Variants in TLR7 observed in about 807,000 individuals in gnomAD.
TLR7 encodes the protein toll-like receptor 7.
Under a neutral mutation model 38.3 loss-of-function variants are expected in TLR7, and 12 were observed. That is an observed-to-expected ratio of 0.31 (90% confidence interval 0.20 to 0.51). TLR7 has a LOEUF of 0.51. TLR7 is among the 20% of genes least tolerant of loss of function. The pLI is 0.98. For synonymous variants in TLR7, 285 were observed against 293.8 expected (o/e 0.97, Z 0.31); for missense variants, 504 against 743.4 (o/e 0.68, Z 3.74).
chrX:12,886,855 A>G lies in TLR7; in HGVS notation c.1347A>G (p.Arg449=). Residue 449 remains arginine (R), a synonymous_variant, in exon 3 of 3, where the codon AGA becomes AGG. Transcript: ENST00000380659. ...SSEVGFCSNA[R]TSVESYEPQV... ...AAGTTGGCTTCTGCTCAAATGCCAG[A>G]ACTTCTGTAGAAAGTTATGAACCCC... 6 of 1,210,564 alleles carry G rather than the reference A, an allele frequency of 5.0e-6. No individual in the cohort carries two copies. The highest frequency in any genetic ancestry group is 6.7e-6 in the Non-Finnish European group (6 of 894,699).
At chrX:12,871,547 C>T (rs1731478) in intron 2 of TLR7, among the ~76,000 whole-genome samples, 8,212 of 112,080 alleles carry the variant, frequency 0.073, 266 homozygotes, top group Middle Eastern at 0.1. Context: ...CCCAGACCCC[C>T]GCTGCAGGCT....
In TLR7 at chrX:12,888,383, G is replaced by A. The variant is rs1269387562; in HGVS notation, c.2875G>A (p.Asp959Asn). The A allele has an allele frequency of 8.3e-7, 1 of 1,212,065 alleles. No homozygotes were observed. The highest frequency in any genetic ancestry group is 1.1e-6 in the Non-Finnish European group (1 of 895,549). The change falls in exon 3 of 3, where the codon GAC becomes AAC. Residue 959 changes from aspartate to asparagine, a missense_variant. Coordinates refer to ENST00000380659, the MANE Select transcript of TLR7 (RefSeq NM_016562.4). ...CAAAAAGACAGTGTTTGTGATGACA[G>A]ACAAGTATGCAAAGACTGAAAATTT... ...LSKKTVFVMT[D>N]KYAKTENFKI...
At chrX:12,885,374 T>C (rs1460899987) in intron 2 of TLR7, 138 bp from the exon 3 acceptor site, 2 of 538,134 alleles carry the variant, frequency 3.7e-6, no homozygotes, top group African/African-American at 2.3e-5. Flanking sequence ...GGGTTGGGGA[T>C]GCTGTTTAGA....
chrX:12,869,809 A>G (rs1455076203), intron 2 of TLR7, among the ~76,000 whole-genome samples: 1 of 98,861 alleles, frequency 1.0e-5, no homozygotes, highest in Non-Finnish European at 2.0e-5. Context: ...ACTATTTACC[A>G]AGATGGTCAG....
At chrX:12,872,001 A>C (rs1379713000) in intron 2 of TLR7, among the ~76,000 whole-genome samples, 1 of 111,659 alleles carries the variant, frequency 9.0e-6, no homozygotes, top group Non-Finnish European at 1.9e-5. Flanking sequence ...TCAATACAGA[A>C]AGGTGAGGGT....
At chrX:12,871,606 C>T (rs2042853004) in intron 2 of TLR7, among the ~76,000 whole-genome samples, 1 of 112,104 alleles carries the variant, frequency 8.9e-6, no homozygotes, top group Non-Finnish European at 1.9e-5. Flanking sequence ...GCTCAAGCAA[C>T]TCTTTGTCTT....
intron 2 of TLR7, among the ~76,000 whole-genome samples, chrX:12,883,968 AG>A (rs1476066188): frequency 1.8e-5 from 2 of 111,239 alleles, no homozygotes; most frequent in African/African-American, 6.5e-5. Context: ...AGAGGAATTA[AG>A]GGAAGTAGGA....
chrX:12,887,498 T>G lies in TLR7; in HGVS notation c.1990T>G (p.Phe664Val). 1 of 1,210,845 alleles carries G rather than the reference T, an allele frequency of 8.3e-7. No individual in the cohort carries two copies. The highest frequency in any genetic ancestry group is 1.1e-6 in the Non-Finnish European group (1 of 894,737). ...ELDISKNSLS[F>V]LPSGVFDGMP... The stretch of plus-strand genomic sequence containing the variant: ...AGACATCTCTAAAAATTCCCTAAGT[T>G]TCTTGCCTTCTGGAGTTTTTGATGG... The change falls in exon 3 of 3, where the codon TTC becomes GTC. Residue 664 changes from phenylalanine to valine, a missense_variant. Physicochemically the swap from Phe to Val is conservative, Grantham distance 50. Coordinates refer to ENST00000380659, the MANE Select transcript of TLR7 (RefSeq NM_016562.4).
At chrX:12,881,351 A>T (rs916900039) in intron 2 of TLR7, among the ~76,000 whole-genome samples, 20 of 108,225 alleles carry the variant, frequency 1.8e-4, no homozygotes, top group Admixed American at 3.0e-4. Flanking sequence ...TTGGAGGTAG[A>T]TCTTGACCTG....
chrX:12,873,216 T>G (rs1569107083), intron 2 of TLR7, among the ~76,000 whole-genome samples: 1 of 112,253 alleles, frequency 8.9e-6, no homozygotes, highest in Non-Finnish European at 1.9e-5. Flanking sequence ...GGTCTTTGTT[T>G]AGATATCAAC....
At chrX:12,885,352 A>C (rs1240702516) in intron 2 of TLR7, among the ~76,000 whole-genome samples, 160 bp from the exon 3 acceptor site, 1 of 112,414 alleles carries the variant, frequency 8.9e-6, no homozygotes, top group Non-Finnish European at 1.9e-5. Flanking sequence ...GTAACTGACA[A>C]ATACAGTCAT....
At chrX:12,869,380 A>G (rs1227099948) in intron 2 of TLR7, among the ~76,000 whole-genome samples, 16 of 111,795 alleles carry the variant, frequency 1.4e-4, no homozygotes, top group Admixed American at 1.0e-3. Flanking sequence ...AATGTGGCAC[A>G]TATACACCAT....
chrX:12,871,988 G>A (rs151292754), intron 2 of TLR7, among the ~76,000 whole-genome samples: 231 of 111,817 alleles, frequency 2.1e-3, no homozygotes, highest in African/African-American at 6.9e-3. Context: ...CATGCCTACC[G>A]ATTCAATACA....
At position 12,870,782 on chromosome X, in the gene TLR7, G is replaced by GTTTAC. The variant is rs528247499; in HGVS notation, c.3+3204_3+3208dup. Among the ~76,000 whole-genome samples the GTTTAC allele has an allele frequency of 1.3e-4, 15 of 112,093 alleles. No homozygotes were observed. The South Asian group carries it at 5.4e-3, about 41-fold the overall frequency. ...AAATGGTTTTATTGTTTGAGTATTT[G>GTTTAC]TTTACTTATTGTTGATAAGTGCTTT... On this transcript the variant is annotated intron_variant, in intron 2 of 2. Transcript: ENST00000380659.
At chrX:12,878,658 C>A (rs1194552603) in intron 2 of TLR7, among the ~76,000 whole-genome samples, 4 of 111,351 alleles carry the variant, frequency 3.6e-5, no homozygotes, top group Non-Finnish European at 7.5e-5. Flanking sequence ...ATTTATGGAG[C>A]CACATGTGAC....
rs2042924366 is a variant in TLR7 at position 12,889,651 on chromosome X, T to G, written c.*993T>G. On this transcript the variant is annotated 3_prime_UTR_variant, in exon 3 of 3. Coordinates refer to ENST00000380659, the MANE Select transcript of TLR7 (RefSeq NM_016562.4). ...AGAAAAATATTTAAATGATCTGCCT[T>G]TATACAAAGTGATATTCTCTACCTT... The G allele has an allele frequency of 8.9e-6, 1 of 112,887 alleles. No individual in the cohort carries two copies. Among genetic ancestry groups the G allele is most frequent in the Non-Finnish European group, 1.9e-5 (1 of 53,356 alleles). 9.3% of individuals were successfully genotyped at this position (112,887 alleles called of 1,213,427 possible).
Position 12,887,882 on chromosome X carries a change from G to C in TLR7, c.2374G>C (p.Val792Leu). Residue 792 changes from valine to leucine, a missense_variant, in exon 3 of 3, where the codon GTG becomes CTG. Coordinates refer to ENST00000380659, the MANE Select transcript of TLR7 (RefSeq NM_016562.4). ...HNRFLCTCDA[V>L]WFVWWVNHTE... ...TCGGTTTCTGTGCACCTGTGATGCTGTGTGGTTTGTCTGGTGGGTTAACCA... is the reference window on the plus strand; with the variant it reads ...TCGGTTTCTGTGCACCTGTGATGCTCTGTGGTTTGTCTGGTGGGTTAACCA... 8.3e-7 allele frequency: 1 copy of C among 1,211,767 alleles called. No individual in the cohort carries two copies.
chrX:12,883,087 CAAATCCTATTATCAGGGACTATA>C (rs770234616), intron 2 of TLR7, among the ~76,000 whole-genome samples: 1 of 111,955 alleles, frequency 8.9e-6, no homozygotes, highest in South Asian at 3.8e-4. Flanking sequence ...TATAACCGTA[CAAATCCTATTATCAGGGACTATA>C]AAATCCTATT....
At chrX:12,876,918 T>C (rs901255552) in intron 2 of TLR7, among the ~76,000 whole-genome samples, 102 of 77,223 alleles carry the variant, frequency 1.3e-3, no homozygotes, top group Non-Finnish European at 1.9e-3. Context: ...TAGGCAATCA[T>C]TACAAATAAA....
Sources: gnomAD v4.1 joint callset for allele counts (sites outside exome capture counted in the v4.1 genomes callset) on GRCh38, gnomAD v4.1.1 for gene constraint, MANE v1.5 for transcripts, NCBI Gene and HGNC (gene_info 2026-07-23, HGNC 2026-07-21) for gene names.